SYNRG: variants seen among roughly 807,000 people sequenced by gnomAD.
SYNRG encodes the protein synergin gamma.
SYNRG carries 37 observed loss-of-function variants against 130.9 expected under a neutral mutation model. The ratio of observed to expected loss-of-function variants is 0.28; its 90% CI spans 0.22 to 0.37. SYNRG has a LOEUF of 0.37. Ranked by LOEUF, SYNRG falls within the 10% of genes least tolerant of loss-of-function variation. SYNRG has a pLI of 1.00. For synonymous variants in SYNRG, 539 were observed against 568.1 expected, an observed-to-expected ratio of 0.95 and a Z score of 0.73; for missense variants, 1,338 against 1,588.9, an observed-to-expected ratio of 0.84 and a Z score of 2.68.
rs532028474 is a variant in SYNRG, at chr17:37,572,641, A to C, written c.902-654T>G. 3.3e-5 allele frequency among the ~76,000 whole-genome samples: 5 copies of C among 152,268 alleles called. No homozygotes were observed. The East Asian group carries it at 9.7e-4, about 29-fold the overall frequency. Reference sequence around the variant, plus strand: ...ATGGTGGGAACAGTTTGAAAAGAGCAATGGGAAGTAAGAATTATACCAACA... The same window carrying C: ...ATGGTGGGAACAGTTTGAAAAGAGCCATGGGAAGTAAGAATTATACCAACA... On this transcript the variant is annotated intron_variant, in intron 8 of 21. Transcript: ENST00000612223.
At chr17:37,584,574 T>A in intron 6 of SYNRG, 74 bp downstream of exon 6, 1 of 1,169,066 alleles carries the variant, frequency 8.6e-7, no homozygotes, top group Non-Finnish European at 1.3e-6. Context: ...ACACATATAA[T>A]GGCGAGGTAA....
intron 8 of SYNRG, among the ~76,000 whole-genome samples, chr17:37,574,698 T>G (rs1270096838): frequency 6.6e-6 from 1 of 152,072 alleles, no homozygotes; most frequent in African/African-American, 2.4e-5. Flanking sequence ...AAAACTACAA[T>G]GAGATATCAT....
chr17:37,555,491 A>T (rs1299386590), intron 13 of SYNRG, among the ~76,000 whole-genome samples: 1 of 152,252 alleles, frequency 6.6e-6, no homozygotes, highest in African/African-American at 2.4e-5. Context: ...ATCATCACTC[A>T]GGTACAGCAT....
intron 19 of SYNRG, among the ~76,000 whole-genome samples, chr17:37,521,518 AGAG>A (rs2055053943): frequency 6.6e-6 from 1 of 152,082 alleles, no homozygotes; most frequent in African/African-American, 2.4e-5. Context: ...GCCCAGGGAA[AGAG>A]GAGATGAAGC....
chr17:37,544,731 A>G (rs1028538414), intron 14 of SYNRG, among the ~76,000 whole-genome samples: 2 of 152,180 alleles, frequency 1.3e-5, no homozygotes, highest in African/African-American at 4.8e-5. Context: ...TAAAGGGACC[A>G]GAAGGTGTCC....
chr17:37,607,970 A>AC lies in SYNRG; in HGVS notation c.77+1308_77+1309insG, dbSNP rs1158098874. Among the ~76,000 whole-genome samples the AC allele has an allele frequency of 3.1e-4, 46 of 148,624 alleles. 1 individual carries two copies. The highest frequency in any genetic ancestry group is 9.5e-4 in the African/African-American group (39 of 40,952). On this transcript the variant is annotated intron_variant, in intron 1 of 21. Transcript: ENST00000612223. Reference sequence around the variant, plus strand: ...GACTTCCTCTCAAAAAAAAAAAAAAAAAAAAAAAAACAAGACAAAAGAAAA... The same window carrying AC: ...GACTTCCTCTCAAAAAAAAAAAAAAACAAAAAAAAAACAAGACAAAAGAAAA...
At chr17:37,525,755 C>T (rs1376797097) in intron 19 of SYNRG, among the ~76,000 whole-genome samples, 3 of 151,808 alleles carry the variant, frequency 2.0e-5, no homozygotes, top group Non-Finnish European at 4.4e-5. Flanking sequence ...ATCACGAGGT[C>T]AGGCTTTGGA....
intron 19 of SYNRG, among the ~76,000 whole-genome samples, chr17:37,525,990 G>A (rs1219590441): frequency 2.6e-5 from 4 of 151,930 alleles, no homozygotes; most frequent in African/African-American, 9.7e-5. Flanking sequence ...ACAATTGGCC[G>A]GACGTGGTGG....
At position 37,517,581 on chromosome 17, in the gene SYNRG, C is replaced by T. The variant is rs1403335597; in HGVS notation, c.*1359G>A. On this transcript the variant is annotated 3_prime_UTR_variant, in exon 22 of 22. Transcript: ENST00000612223. ...ACCTTTCTTGGAGAACATGGAAAAG[C>T]TGTAAGATGGAGCAAGACAGAATTT... The T allele has an allele frequency of 6.6e-6, 1 of 151,928 alleles. No homozygotes were observed. Among genetic ancestry groups the T allele is most frequent in the African/African-American group, 2.4e-5 (1 of 41,348 alleles). 9.4% of individuals were successfully genotyped at this position (151,928 alleles called of 1,614,324 possible).
chr17:37,560,626 A>T (rs1174983533), intron 13 of SYNRG, among the ~76,000 whole-genome samples: 2 of 150,184 alleles, frequency 1.3e-5, no homozygotes, highest in East Asian at 3.9e-4. Flanking sequence ...GGTGTGAGCT[A>T]CTGTGCCCGA....
At position 37,577,476 on chromosome 17, in the gene SYNRG, C is replaced by T. The variant is rs747824251; in HGVS notation, c.727G>A (p.Ala243Thr). 3.7e-6 allele frequency: 6 copies of T among 1,614,128 alleles called. No individual in the cohort carries two copies. The highest frequency in any genetic ancestry group is 4.2e-6 in the Non-Finnish European group (5 of 1,180,030). ...GSSKKYPSLM[A>T]SNGVAVDGCV... ...CCATCTACAGCAACCCCGTTACTGG[C>T]CATTAAACTGGGATACTTCTTACTG... Residue 243 changes from alanine to threonine, a missense_variant, in exon 7 of 22, where the codon GCC becomes ACC. Around this residue, in one of 3 missense-constraint regions of SYNRG, gnomAD observed 1,146 missense variants for 1,342.3 expected, o/e 0.85. Coordinates refer to ENST00000612223, the MANE Select transcript of SYNRG (RefSeq NM_007247.6).
At chr17:37,606,466 G>A (rs1169159217) in intron 1 of SYNRG, among the ~76,000 whole-genome samples, 1 of 152,216 alleles carries the variant, frequency 6.6e-6, no homozygotes, top group Non-Finnish European at 1.5e-5. Flanking sequence ...CCAGAAGAAC[G>A]TGACCTCTTT....
chr17:37,598,405 A>G (rs2062967114), intron 2 of SYNRG, among the ~76,000 whole-genome samples: 2 of 152,260 alleles, frequency 1.3e-5, no homozygotes, highest in Admixed American at 1.3e-4. Flanking sequence ...GAGAATTAGA[A>G]TACACAGATT....
intron 6 of SYNRG, among the ~76,000 whole-genome samples, chr17:37,582,694 C>T (rs1446764732): frequency 2.0e-5 from 3 of 152,062 alleles, no homozygotes; most frequent in Non-Finnish European, 4.4e-5. Context: ...AATCCCGTCT[C>T]TACAAAAAAT....
intron 8 of SYNRG, among the ~76,000 whole-genome samples, chr17:37,575,871 T>C (rs915563148): frequency 2.0e-5 from 3 of 146,564 alleles, no homozygotes; most frequent in African/African-American, 7.5e-5. Flanking sequence ...GAGTAAACAC[T>C]ATCCTTCACA....
intron 6 of SYNRG, among the ~76,000 whole-genome samples, chr17:37,580,510 T>TGTGTGTGTGTGTGAGAGA (rs1384344164): frequency 7.1e-5 from 9 of 127,658 alleles, no homozygotes; most frequent in African/African-American, 3.3e-4. Flanking sequence ...TGTGTGTGTG[T>TGTGTGTGTGTGTGAGAGA]GAGAGAGAGA....
chr17:37,608,990 C>CCCCCCA (rs1362517165), intron 1 of SYNRG, among the ~76,000 whole-genome samples: 1 of 144,764 alleles, frequency 6.9e-6, no homozygotes, highest in African/African-American at 2.6e-5. Context: ...TGCCCCGCCC[C>CCCCCCA]CCCCCACCCC....
At chr17:37,548,660 A>T (rs1056356601) in intron 14 of SYNRG, among the ~76,000 whole-genome samples, 1 of 151,708 alleles carries the variant, frequency 6.6e-6, no homozygotes, top group Admixed American at 6.6e-5. Context: ...TCTACTAAAA[A>T]TACAAAAATT....
intron 1 of SYNRG, among the ~76,000 whole-genome samples, chr17:37,604,073 T>C (rs895312707): frequency 3.3e-5 from 5 of 152,064 alleles, no homozygotes; most frequent in Non-Finnish European, 5.9e-5. Context: ...AAACCCTATT[T>C]CTACTAAAAA....
Sources: allele counts gnomAD v4.1 joint callset (sites outside exome capture counted in the v4.1 genomes callset), GRCh38; gene constraint gnomAD v4.1.1; regional missense constraint gnomAD v4.1.1; transcripts MANE v1.5; gene names NCBI Gene and HGNC (gene_info 2026-07-23, HGNC 2026-07-21).